Variants in KCTD8 observed in about 807,000 individuals in gnomAD.
KCTD8 encodes BTB/POZ domain-containing protein KCTD8.
A neutral mutation model predicts 31.5 loss-of-function variants in KCTD8; 27 were observed. The ratio of observed to expected loss-of-function variants is 0.86; its 90% confidence interval spans 0.63 to 1.18. The LOEUF (loss-of-function observed/expected upper bound fraction) is 1.18, where lower values mean the gene tolerates loss of function less well. Ranked by LOEUF, KCTD8 falls within the 50% of genes most tolerant of loss-of-function variation. KCTD8 has a pLI of 0.00. For synonymous variants in KCTD8, 290 were observed against 280.0 expected (o/e 1.04, Z -0.36); for missense variants, 658 against 647.7 (o/e 1.02, Z -0.17).
At chr4:44,269,421 T>C (rs1264034426) in intron 1 of KCTD8, among the ~76,000 whole-genome samples, 1 of 151,320 alleles carries the variant, frequency 6.6e-6, no homozygotes, top group Non-Finnish European at 1.5e-5. Context: ...ATGTTAGACC[T>C]AAAACCATAA....
At chr4:44,213,313 C>T (rs1021746670) in intron 1 of KCTD8, among the ~76,000 whole-genome samples, 2 of 152,028 alleles carry the variant, frequency 1.3e-5, no homozygotes, top group African/African-American at 4.8e-5. Context: ...TTTAGGATTA[C>T]AAAGTTTGTT....
chr4:44,182,721 C>T (rs1312233306), intron 1 of KCTD8, among the ~76,000 whole-genome samples: 3 of 152,060 alleles, frequency 2.0e-5, no homozygotes, highest in Admixed American at 6.6e-5. Flanking sequence ...CTGACCTTCC[C>T]TCCACTATTG....
At chr4:44,274,796 A>G (rs990949010) in intron 1 of KCTD8, among the ~76,000 whole-genome samples, 1 of 151,762 alleles carries the variant, frequency 6.6e-6, no homozygotes, top group African/African-American at 2.4e-5. Context: ...AACATCCTCA[A>G]ACCCAGATTA....
intron 1 of KCTD8, among the ~76,000 whole-genome samples, chr4:44,248,110 T>G (rs1027071669): frequency 2.0e-5 from 3 of 152,044 alleles, no homozygotes; most frequent in Non-Finnish European, 2.9e-5. Context: ...TTTTAACACT[T>G]ACATGACAAT....
rs906886657 is a variant in KCTD8 at position 44,176,919 on chromosome 4, A to G, written c.962-1669T>C. Among the ~76,000 whole-genome samples, 5 of 136,938 alleles carry G rather than the reference A, an allele frequency of 3.7e-5. No homozygotes were observed. In the Admixed American group the frequency reaches 3.7e-4, roughly 10 times the overall value. The allele number at this position is 136,938 out of a possible 152,430, so 89.8% of individuals were successfully genotyped here. ...TCTATCTCAGGGAAAGTCTTAAGCAATATTTCAAACTTCCTTTGTCTGCAA... is the reference window on the plus strand; with the variant it reads ...TCTATCTCAGGGAAAGTCTTAAGCAGTATTTCAAACTTCCTTTGTCTGCAA... On this transcript the variant is annotated intron_variant, in intron 1 of 1. Transcript: ENST00000360029.
At chr4:44,242,326 C>T (rs1475322172) in intron 1 of KCTD8, among the ~76,000 whole-genome samples, 1 of 152,134 alleles carries the variant, frequency 6.6e-6, no homozygotes, top group Admixed American at 6.5e-5. Flanking sequence ...CGCCTGTAAT[C>T]CCAGCACTTT....
intron 1 of KCTD8, among the ~76,000 whole-genome samples, chr4:44,395,350 G>A (rs1720474510): frequency 6.6e-6 from 1 of 152,052 alleles, no homozygotes; most frequent in African/African-American, 2.4e-5. Flanking sequence ...TAAGCTAGGG[G>A]CCGAAAAGAC....
chr4:44,367,685 GAC>G lies in KCTD8; in HGVS notation c.961+79876_961+79877del, dbSNP rs141435841. ...CTCCAAGACAGCAATAGAAAAAAAT[GAC>G]AGTGTTTCTTTTGCTGACTTTCAGT... On this transcript the variant is annotated intron_variant, in intron 1 of 1. Coordinates refer to ENST00000360029, the MANE Select transcript of KCTD8 (RefSeq NM_198353.3). 5.7e-3 allele frequency among the ~76,000 whole-genome samples: 865 copies of G among 152,200 alleles called. 13 individuals are homozygous for G. Among genetic ancestry groups the G allele is most frequent in the African/African-American group, 0.02 (829 of 41,522 alleles).
chr4:44,284,423 A>G (rs2109381093), intron 1 of KCTD8, among the ~76,000 whole-genome samples: 1 of 152,336 alleles, frequency 6.6e-6, no homozygotes, highest in Non-Finnish European at 1.5e-5. Flanking sequence ...AACCACATGC[A>G]GAAAACTGAA....
chr4:44,336,269 G>C (rs1718742450), intron 1 of KCTD8, among the ~76,000 whole-genome samples: 1 of 150,390 alleles, frequency 6.6e-6, no homozygotes, highest in South Asian at 2.1e-4. Flanking sequence ...TAGCAATGAT[G>C]CATCTCAGAA....
At chr4:44,373,751 A>G (rs1248222132) in intron 1 of KCTD8, among the ~76,000 whole-genome samples, 1 of 152,074 alleles carries the variant, frequency 6.6e-6, no homozygotes, top group Admixed American at 6.5e-5. Flanking sequence ...TTATTCTTGT[A>G]TGTTTCTCAG....
At chr4:44,279,250 T>C (rs1716832578) in intron 1 of KCTD8, among the ~76,000 whole-genome samples, 1 of 152,084 alleles carries the variant, frequency 6.6e-6, no homozygotes, top group Admixed American at 6.6e-5. Flanking sequence ...GCAGTGTGGC[T>C]CAACAAGGTT....
At chr4:44,413,495 G>A (rs74376398) in intron 1 of KCTD8, among the ~76,000 whole-genome samples, 12,152 of 152,126 alleles carry the variant, frequency 0.08, 589 homozygotes, top group Non-Finnish European at 0.11. Context: ...AACAGTAGCC[G>A]CTAAGAGTTG....
At chr4:44,229,316 A>G (rs1224110059) in intron 1 of KCTD8, among the ~76,000 whole-genome samples, 1 of 152,160 alleles carries the variant, frequency 6.6e-6, no homozygotes, top group Non-Finnish European at 1.5e-5. Flanking sequence ...CTGGTGGTCC[A>G]CACCTGTCGT....
chr4:44,342,173 C>G (rs1309470939), intron 1 of KCTD8, among the ~76,000 whole-genome samples: 1 of 151,966 alleles, frequency 6.6e-6, no homozygotes, highest in African/African-American at 2.4e-5. Flanking sequence ...AGATCGAGAC[C>G]ATCCTGGCTA....
At chr4:44,276,852 G>A (rs898973585) in intron 1 of KCTD8, among the ~76,000 whole-genome samples, 1 of 151,886 alleles carries the variant, frequency 6.6e-6, no homozygotes, top group African/African-American at 2.4e-5. Context: ...CTTACTTACT[G>A]AAAATAATTT....
At chr4:44,345,921 A>G (rs2109421242) in intron 1 of KCTD8, among the ~76,000 whole-genome samples, 1 of 151,728 alleles carries the variant, frequency 6.6e-6, no homozygotes, top group Non-Finnish European at 1.5e-5. Context: ...AAAAGGCTGC[A>G]CTCTGGGAAA....
chr4:44,251,746 C>CATA (rs1715841348), intron 1 of KCTD8, among the ~76,000 whole-genome samples: 1 of 150,824 alleles, frequency 6.6e-6, no homozygotes, highest in Non-Finnish European at 1.5e-5. Context: ...GGAAGGTAAC[C>CATA]TTTATTGAGT....
chr4:44,236,937 T>C (rs1251297885), intron 1 of KCTD8, among the ~76,000 whole-genome samples: 1 of 152,188 alleles, frequency 6.6e-6, no homozygotes, highest in Non-Finnish European at 1.5e-5. Flanking sequence ...GCTTTCGTTC[T>C]CTTTTGTCTG....
Sources: allele counts gnomAD v4.1 joint callset (sites outside exome capture counted in the v4.1 genomes callset), GRCh38; gene constraint gnomAD v4.1.1; transcripts MANE v1.5; gene names NCBI Gene and HGNC (gene_info 2026-07-23, HGNC 2026-07-21).